The following FSTL4 variants were observed in gnomAD, a reference collection of about 807,000 sequenced individuals.
FSTL4 encodes follistatin like 4.
FSTL4 carries 28 observed loss-of-function variants against 78.2 expected under a neutral mutation model. That is an observed-to-expected ratio of 0.36 (90% CI 0.27 to 0.49). The LOEUF (loss-of-function observed/expected upper bound fraction) is 0.49, where lower values mean the gene tolerates loss of function less well. Ranked by LOEUF, FSTL4 falls within the 20% of genes least tolerant of loss-of-function variation. FSTL4 has a pLI of 0.98. For missense variants in FSTL4, 922 were observed against 1,084.9 expected, an observed-to-expected ratio of 0.85 and a Z score of 2.11; for synonymous variants, 422 against 440.5, an observed-to-expected ratio of 0.96 and a Z score of 0.53.
At chr5:133,716,057 C>T in the FSTL4 span, among the ~76,000 whole-genome samples, 1 of 152,106 alleles carries the variant, frequency 6.6e-6, no homozygotes, top group Non-Finnish European at 1.5e-5. Context: ...ATGTGGTCAT[C>T]GATAAGCAAG....
chr5:133,355,428 C>T (rs539174434), intron 4 of FSTL4, among the ~76,000 whole-genome samples: 3 of 152,216 alleles, frequency 2.0e-5, no homozygotes, highest in Admixed American at 6.5e-5. Context: ...GAGGCCAAGG[C>T]GGGTGGATCA....
intron 3 of FSTL4, among the ~76,000 whole-genome samples, chr5:133,425,049 T>C (rs1050968223): frequency 5.3e-5 from 8 of 152,214 alleles, no homozygotes; most frequent in African/African-American, 1.9e-4. Context: ...TGTGGATTAA[T>C]CTATTTCAAG....
chr5:133,748,860 G>A, the FSTL4 span, among the ~76,000 whole-genome samples: 29 of 152,300 alleles, frequency 1.9e-4, no homozygotes, highest in African/African-American at 6.3e-4. Flanking sequence ...GAGAGAGAGC[G>A]TTGAGAATAG....
chr5:133,569,634 G>A (rs1469646855), intron 2 of FSTL4, among the ~76,000 whole-genome samples: 2 of 152,120 alleles, frequency 1.3e-5, no homozygotes, highest in African/African-American at 4.8e-5. Context: ...TAAAATAAAT[G>A]TGTTGGATTT....
chr5:133,349,995 G>A (rs897443704), intron 4 of FSTL4, among the ~76,000 whole-genome samples: 3 of 147,578 alleles, frequency 2.0e-5, no homozygotes, highest in African/African-American at 7.6e-5. Flanking sequence ...AGGACCCATA[G>A]GATGGACTTT....
chr5:133,283,503 CCTT>C (rs1753057903), intron 6 of FSTL4, among the ~76,000 whole-genome samples: 1 of 152,188 alleles, frequency 6.6e-6, no homozygotes, highest in East Asian at 1.9e-4. Flanking sequence ...CTCTCTCTCA[CCTT>C]CTTGTTCATC....
the FSTL4 span, among the ~76,000 whole-genome samples, chr5:133,633,883 G>T: frequency 1.3e-5 from 2 of 152,064 alleles, no homozygotes; most frequent in Non-Finnish European, 2.9e-5. Context: ...CCTTCTTGGT[G>T]GTTGGCAAGG....
intron 3 of FSTL4, among the ~76,000 whole-genome samples, chr5:133,500,205 T>C (rs1022795205): frequency 6.6e-6 from 1 of 152,168 alleles, no homozygotes; most frequent in Non-Finnish European, 1.5e-5. Context: ...TTCATTTCTG[T>C]GAACTCATCT....
In FSTL4 at chr5:133,199,224, C is replaced by G. The variant is rs1240395068; in HGVS notation, c.2400G>C (p.Leu800=). 1 of 1,613,452 alleles carries G rather than the reference C, an allele frequency of 6.2e-7. No individual in the cohort carries two copies. Among genetic ancestry groups the G allele is most frequent in the East Asian group, 2.2e-5 (1 of 44,856 alleles). ...CTGGTGTGAGGAGGTACTGTCCAAA[C>G]AGCCCACTGTCCCTCATGATTCTGT... ...GTHRIMRDSG[L]FGQYLLTPAR... is the part of the protein sequence containing the mutation. Residue 800 remains leucine (L), a synonymous_variant, in exon 16 of 16, where the codon CTG becomes CTC. Coordinates refer to ENST00000265342, the MANE Select transcript of FSTL4 (RefSeq NM_015082.2). The surrounding 1 kb of genome is among the most constrained non-coding windows in gnomAD (Gnocchi z 4.4).
chr5:133,312,514 G>T, intron 6 of FSTL4, 140 bp downstream of exon 6: 1 of 714,320 alleles, frequency 1.4e-6, no homozygotes, highest in Non-Finnish European at 2.4e-6. Context: ...CAGGCTTGTT[G>T]CAGAACAAAT....
chr5:133,701,511 C>CACACACACACACACA, the FSTL4 span, among the ~76,000 whole-genome samples: 4 of 63,566 alleles, frequency 6.3e-5, no homozygotes, highest in East Asian at 1.9e-3. Flanking sequence ...ACACACACAC[C>CACACACACACACACA]CCACAGGCCA....
At chr5:133,685,078 C>A in the FSTL4 span, among the ~76,000 whole-genome samples, 9 of 152,306 alleles carry the variant, frequency 5.9e-5, no homozygotes, top group East Asian at 1.9e-4. Context: ...GCCTGTCCAG[C>A]CTTGGCAGGG....
chr5:133,663,705 G>C, the FSTL4 span, among the ~76,000 whole-genome samples: 3 of 152,254 alleles, frequency 2.0e-5, no homozygotes, highest in Non-Finnish European at 4.4e-5. Flanking sequence ...AGAGAAGTTT[G>C]AGCAAGGAGG....
the FSTL4 span, among the ~76,000 whole-genome samples, chr5:133,644,345 G>A: frequency 2.0e-5 from 3 of 151,984 alleles, no homozygotes; most frequent in African/African-American, 7.3e-5. Context: ...CTGCGGCAGG[G>A]GCAGGAACTG....
chr5:133,331,058 C>T (rs1431872764), intron 4 of FSTL4, among the ~76,000 whole-genome samples: 1 of 152,120 alleles, frequency 6.6e-6, no homozygotes, highest in Admixed American at 6.5e-5. Flanking sequence ...GGAAGGCAGC[C>T]CACAGCAGCC....
chr5:133,429,950 CA>C (rs1185089348), intron 3 of FSTL4, among the ~76,000 whole-genome samples: 1 of 152,158 alleles, frequency 6.6e-6, no homozygotes, highest in Admixed American at 6.5e-5. Context: ...GATTAATGGG[CA>C]AATCATTGGT....
chr5:133,352,128 T>C (rs1306454771), intron 4 of FSTL4, among the ~76,000 whole-genome samples: 1 of 151,876 alleles, frequency 6.6e-6, no homozygotes, highest in Non-Finnish European at 1.5e-5. Flanking sequence ...GTTTAAAATA[T>C]GACCAAATCC....
chr5:133,653,459 G>T, the FSTL4 span, among the ~76,000 whole-genome samples: 1 of 152,080 alleles, frequency 6.6e-6, no homozygotes, highest in Non-Finnish European at 1.5e-5. Context: ...TATCTCCCTC[G>T]GGACTGCATC....
chr5:133,430,064 G>C (rs1366607), intron 3 of FSTL4, among the ~76,000 whole-genome samples: 4,451 of 152,262 alleles, frequency 0.029, 201 homozygotes, highest in African/African-American at 0.1. Context: ...GATATACAAA[G>C]CACTTGGAAA....
Sources: gnomAD v4.1 joint callset for allele counts (sites outside exome capture counted in the v4.1 genomes callset) on GRCh38, gnomAD v4.1.1 for gene constraint, Gnocchi (gnomAD v3.1) non-coding constraint, MANE v1.5 for transcripts, NCBI Gene and HGNC (gene_info 2026-07-23, HGNC 2026-07-21) for gene names.